Variants in RUNX2 observed in about 807,000 individuals in gnomAD.
RUNX2 encodes RUNX family transcription factor 2.
Under a neutral mutation model 51.7 loss-of-function variants are expected in RUNX2, and 10 were observed. The observed-to-expected ratio is 0.19, with a 90% CI of 0.12 to 0.33. The LOEUF (loss-of-function observed/expected upper bound fraction) is 0.33. Ranked by LOEUF, RUNX2 falls within the 10% of genes least tolerant of loss-of-function variation. The pLI is 1.00. For missense variants in RUNX2, 562 were observed against 691.3 expected (o/e 0.81, Z 2.10); for synonymous variants, 276 against 273.6 (o/e 1.01, Z -0.09).
At position 45,497,968 on chromosome 6, in the gene RUNX2, C is replaced by T. The variant is rs1049878401; in HGVS notation, c.859+5854C>T. 2.0e-5 allele frequency among the ~76,000 whole-genome samples: 3 copies of T among 152,234 alleles called. 1 individual carries two copies. The East Asian group carries it at 5.8e-4, about 29-fold the overall frequency. ...TGCTTGTCATGTGTCAGGCATTGTT[C>T]TAATTAGTTTAACTCATACGTTCCT... On this transcript the variant is annotated intron_variant, in intron 6 of 8. Coordinates refer to ENST00000647337, the MANE Select transcript of RUNX2 (RefSeq NM_001024630.4).
At chr6:45,528,410 C>T (rs921032496) in intron 7 of RUNX2, among the ~76,000 whole-genome samples, 8 of 152,132 alleles carry the variant, frequency 5.3e-5, no homozygotes, top group African/African-American at 1.7e-4. Context: ...CATTTGAGGT[C>T]AGGAGTTCAA....
chr6:45,525,788 A>C (rs558740575), intron 7 of RUNX2, among the ~76,000 whole-genome samples: 1 of 152,288 alleles, frequency 6.6e-6, no homozygotes, highest in Non-Finnish European at 1.5e-5. Flanking sequence ...TGAGCCCAGC[A>C]GTTGGAGACC....
At chr6:45,535,804 G>A (rs375425992) in intron 7 of RUNX2, among the ~76,000 whole-genome samples, 21 of 152,020 alleles carry the variant, frequency 1.4e-4, no homozygotes, top group East Asian at 1.4e-3. Flanking sequence ...TACTAAGGGC[G>A]GAGGGGCCAA....
At chr6:45,502,601 T>G (rs1428243379) in intron 6 of RUNX2, among the ~76,000 whole-genome samples, 1 of 152,074 alleles carries the variant, frequency 6.6e-6, no homozygotes, top group Non-Finnish European at 1.5e-5. Context: ...CTCGCCCCCG[T>G]GATCAGCTGA....
chr6:45,379,914 A>T (rs887204190), intron 2 of RUNX2, among the ~76,000 whole-genome samples: 4 of 152,096 alleles, frequency 2.6e-5, no homozygotes, highest in Non-Finnish European at 5.9e-5. Context: ...AGAGTGACAC[A>T]TGGAGAAGGG....
At chr6:45,440,137 C>T (rs181086890) in intron 5 of RUNX2, among the ~76,000 whole-genome samples, 1 of 152,130 alleles carries the variant, frequency 6.6e-6, no homozygotes, top group East Asian at 1.9e-4. Context: ...GGTGAAAATG[C>T]GGGGTCATTT....
chr6:45,361,674 A>G (rs1317809560), intron 2 of RUNX2: 1 of 152,218 alleles, frequency 6.6e-6, no homozygotes, highest in East Asian at 1.9e-4. Flanking sequence ...AAATGTGCTC[A>G]GTTATATGCA....
At chr6:45,497,478 T>A (rs1021682137) in intron 6 of RUNX2, among the ~76,000 whole-genome samples, 4 of 152,198 alleles carry the variant, frequency 2.6e-5, no homozygotes, top group African/African-American at 9.7e-5. Context: ...TATTTTTTTA[T>A]TTTAAATTAA....
chr6:45,451,829 T>A (rs1799181844), intron 5 of RUNX2, among the ~76,000 whole-genome samples: 1 of 152,220 alleles, frequency 6.6e-6, no homozygotes, highest in African/African-American at 2.4e-5. Context: ...GTTTATAAAG[T>A]GCAACAAAGT....
intron 5 of RUNX2, among the ~76,000 whole-genome samples, chr6:45,447,210 G>T (rs1799028223): frequency 6.6e-6 from 1 of 152,202 alleles, no homozygotes. Context: ...TGTGCAGCAG[G>T]CAGGACCTTT....
At chr6:45,331,005 G>C (rs1307685908) in intron 2 of RUNX2, among the ~76,000 whole-genome samples, 1 of 151,894 alleles carries the variant, frequency 6.6e-6, no homozygotes, top group African/African-American at 2.4e-5. Context: ...TTAAGTATGT[G>C]CCCCAATTTT....
At chr6:45,506,240 C>T (rs80135292) in intron 6 of RUNX2, among the ~76,000 whole-genome samples, 1,765 of 152,260 alleles carry the variant, frequency 0.012, 39 homozygotes, top group African/African-American at 0.04. Context: ...TCTCTTCTCT[C>T]GCATGTAGTC....
chr6:45,335,179 A>G (rs1019365045), intron 2 of RUNX2, among the ~76,000 whole-genome samples: 10 of 151,300 alleles, frequency 6.6e-5, no homozygotes, highest in African/African-American at 2.4e-4. Context: ...GCTAGAATTA[A>G]CTTTCTTTTT....
chr6:45,460,095 C>A (rs1799428801), intron 5 of RUNX2, among the ~76,000 whole-genome samples: 1 of 152,078 alleles, frequency 6.6e-6, no homozygotes, highest in Non-Finnish European at 1.5e-5. Flanking sequence ...CATGAGTTGG[C>A]CTTCAGGCTC....
rs539872226 is a variant in RUNX2 at position 45,452,431 on chromosome 6, C to G, written c.685+14380C>G. Among the ~76,000 whole-genome samples the G allele has an allele frequency of 1.1e-3, 168 of 152,310 alleles. 1 individual carries two copies. The highest frequency in any genetic ancestry group is 3.4e-3 in the Middle Eastern group (1 of 294). ...CACACCATTCCTTTCAGCTTTGGAGCTGGAGCTGCAGGAAAGAAAGAGCCC... is the reference window on the plus strand; with the variant it reads ...CACACCATTCCTTTCAGCTTTGGAGGTGGAGCTGCAGGAAAGAAAGAGCCC... On this transcript the variant is annotated intron_variant, in intron 5 of 8. Transcript: ENST00000647337.
intron 2 of RUNX2, among the ~76,000 whole-genome samples, chr6:45,344,469 G>A (rs1240843045): frequency 6.6e-6 from 1 of 151,448 alleles, no homozygotes; most frequent in African/African-American, 2.4e-5. Flanking sequence ...AATGAGCAGT[G>A]CCTTAGATTC....
intron 2 of RUNX2, among the ~76,000 whole-genome samples, chr6:45,356,219 G>GT (rs1394055476): frequency 5.3e-5 from 8 of 151,456 alleles, no homozygotes; most frequent in African/African-American, 1.9e-4. Context: ...CACAGCTAAG[G>GT]TTTTTTTTAA....
At chr6:45,462,822 A>G (rs956152336) in intron 5 of RUNX2, among the ~76,000 whole-genome samples, 6 of 152,238 alleles carry the variant, frequency 3.9e-5, no homozygotes, top group Admixed American at 3.3e-4. Flanking sequence ...GTGAGCATCA[A>G]TTGCAAGTTA....
chr6:45,522,291 TTACATTATAG>T (rs1478058982), intron 7 of RUNX2, among the ~76,000 whole-genome samples: 5 of 152,194 alleles, frequency 3.3e-5, no homozygotes, highest in Admixed American at 6.5e-5. Context: ...AATGTGATGG[TTACATTATAG>T]TACTAGCCCA....
Sources: gnomAD v4.1 joint callset for allele counts (sites outside exome capture counted in the v4.1 genomes callset) on GRCh38, gnomAD v4.1.1 for gene constraint, MANE v1.5 for transcripts, NCBI Gene and HGNC (gene_info 2026-07-23, HGNC 2026-07-21) for gene names.